GRIK2: variants seen among roughly 807,000 people sequenced by gnomAD.
The protein encoded by GRIK2 is glutamate ionotropic receptor kainate type subunit 2, also known as glutamate receptor ionotropic, kainate 2.
Under a neutral mutation model 100.3 loss-of-function variants are expected in GRIK2, and 32 were observed. That is an observed-to-expected ratio of 0.32 (90% confidence interval 0.24 to 0.43). The LOEUF (loss-of-function observed/expected upper bound fraction) is 0.43. Ranked by LOEUF, GRIK2 falls within the 20% of genes least tolerant of loss-of-function variation. The pLI is 1.00. For missense variants in GRIK2, 843 were observed against 1,114.9 expected (o/e 0.76, Z 3.47); for synonymous variants, 417 against 389.4 (o/e 1.07, Z -0.83).
At chr6:102,015,741 C>T (rs973839768) in intron 14 of GRIK2, among the ~76,000 whole-genome samples, 1 of 152,214 alleles carries the variant, frequency 6.6e-6, no homozygotes, top group African/African-American at 2.4e-5. Flanking sequence ...GCTGGCACCA[C>T]CCTTCAGAGT....
chr6:101,465,604 T>C (rs1771603627), intron 2 of GRIK2, among the ~76,000 whole-genome samples: 1 of 152,162 alleles, frequency 6.6e-6, no homozygotes. Flanking sequence ...TTAGAGAGTC[T>C]CACCCAGTAG....
At chr6:101,545,764 A>G (rs1003300773) in intron 2 of GRIK2, among the ~76,000 whole-genome samples, 5 of 152,208 alleles carry the variant, frequency 3.3e-5, no homozygotes, top group Non-Finnish European at 7.4e-5. Flanking sequence ...TCCTTAGGTC[A>G]CAAACCTTAA....
chr6:101,672,435 A>G (rs1189539545), intron 4 of GRIK2, among the ~76,000 whole-genome samples: 2 of 152,034 alleles, frequency 1.3e-5, no homozygotes, highest in Admixed American at 6.6e-5. Flanking sequence ...AGTGATCTCA[A>G]TCATCTTTTC....
chr6:101,455,210 C>A (rs1263365123), intron 2 of GRIK2, among the ~76,000 whole-genome samples: 1 of 152,002 alleles, frequency 6.6e-6, no homozygotes, highest in Admixed American at 6.6e-5. Context: ...GTTTTTGCTA[C>A]AGCATTTTGT....
At chr6:101,430,940 C>G in intron 2 of GRIK2, 1 of 319,670 alleles carries the variant, frequency 3.1e-6, no homozygotes. Flanking sequence ...GCAGGATGGC[C>G]TAGGGAAAGG....
chr6:101,788,080 A>G (rs757929028), intron 7 of GRIK2, among the ~76,000 whole-genome samples: 19 of 151,776 alleles, frequency 1.3e-4, no homozygotes, highest in Non-Finnish European at 2.2e-4. Flanking sequence ...TTTTGACTTA[A>G]AGTTTGTTTT....
chr6:101,504,876 A>G (rs1773942360), intron 2 of GRIK2, among the ~76,000 whole-genome samples: 1 of 152,126 alleles, frequency 6.6e-6, no homozygotes, highest in South Asian at 2.1e-4. Context: ...GTGTCCCTAG[A>G]CACAATCCTG....
At chr6:101,818,712 A>T (rs566362621) in intron 10 of GRIK2, among the ~76,000 whole-genome samples, 2 of 152,268 alleles carry the variant, frequency 1.3e-5, no homozygotes, top group East Asian at 3.9e-4. Context: ...AATACAGCTT[A>T]ATGTATTACT....
At chr6:101,986,384 T>G (rs1188019863) in intron 14 of GRIK2, among the ~76,000 whole-genome samples, 1 of 151,898 alleles carries the variant, frequency 6.6e-6, no homozygotes, top group Admixed American at 6.6e-5. Flanking sequence ...ATATAGCTAC[T>G]AGTTAATGTG....
intron 7 of GRIK2, among the ~76,000 whole-genome samples, chr6:101,783,285 T>G (rs1779213989): frequency 6.6e-6 from 1 of 152,010 alleles, no homozygotes; most frequent in African/African-American, 2.4e-5. Context: ...TGAGATCTGA[T>G]GATTTTCAAA....
intron 2 of GRIK2, among the ~76,000 whole-genome samples, chr6:101,619,079 G>T (rs1015047355): frequency 6.7e-6 from 1 of 149,744 alleles, no homozygotes; most frequent in Non-Finnish European, 1.5e-5. Context: ...TTTTTAAATA[G>T]AATTAAAAAG....
intron 2 of GRIK2, among the ~76,000 whole-genome samples, chr6:101,533,544 C>T (rs772034725): frequency 5.9e-5 from 9 of 151,756 alleles, no homozygotes; most frequent in Non-Finnish European, 1.2e-4. Flanking sequence ...TATCATAGTG[C>T]CTATGAGAGG....
At chr6:101,961,192 C>T (rs550629823) in intron 14 of GRIK2, among the ~76,000 whole-genome samples, 1 of 152,238 alleles carries the variant, frequency 6.6e-6, no homozygotes, top group South Asian at 2.1e-4. Flanking sequence ...CTTCAGGACT[C>T]AATGTAACTG....
chr6:101,684,920 A>G (rs1429426233), intron 6 of GRIK2, among the ~76,000 whole-genome samples: 1 of 151,984 alleles, frequency 6.6e-6, no homozygotes, highest in Non-Finnish European at 1.5e-5. Context: ...CTGTGGGGGT[A>G]GGTCAGAGAA....
chr6:101,468,307 T>A (rs986007801), intron 2 of GRIK2, among the ~76,000 whole-genome samples: 5 of 152,212 alleles, frequency 3.3e-5, no homozygotes, highest in African/African-American at 1.2e-4. Flanking sequence ...AGTTCAGTTT[T>A]ACTTTTCATT....
chr6:101,993,823 AATAT>A (rs1247088528), intron 14 of GRIK2: 2 of 147,938 alleles, frequency 1.4e-5, no homozygotes, highest in Middle Eastern at 4.8e-3. Flanking sequence ...AATAAAAATA[AATAT>A]ATATGTTCTA....
chr6:101,595,956 T>A lies in GRIK2; in HGVS notation c.116-25993T>A, dbSNP rs561008737. Among the ~76,000 whole-genome samples the A allele has an allele frequency of 5.8e-4, 35 of 60,640 alleles. No individual in the cohort carries two copies. In the East Asian group the frequency reaches 0.011, roughly 19 times the overall value. 39.8% of individuals were successfully genotyped at this position (60,640 alleles called of 152,430 possible). A position where few individuals can be genotyped will look rare whatever the true frequency, so the allele number is the denominator to read the frequency against. On this transcript the variant is annotated intron_variant, in intron 2 of 16. Coordinates refer to ENST00000369134, the MANE Select transcript of GRIK2 (RefSeq NM_021956.5). Reference sequence around the variant, plus strand: ...TTCAGCTAAATATAATTCATTAAAATTTTTTTTTTTTTTTGCTTTTTTAAA... The same window carrying A: ...TTCAGCTAAATATAATTCATTAAAAATTTTTTTTTTTTTTGCTTTTTTAAA...
intron 10 of GRIK2, among the ~76,000 whole-genome samples, chr6:101,824,490 T>C (rs188354172): frequency 8.3e-4 from 126 of 152,322 alleles, no homozygotes; most frequent in African/African-American, 2.9e-3. Flanking sequence ...TAGTTTTCGA[T>C]AGACATTTTT....
At chr6:102,065,886 TTCA>T (rs2114538326) in intron 16 of GRIK2, 1 of 1,445,608 alleles carries the variant, frequency 6.9e-7, no homozygotes, top group Non-Finnish European at 9.2e-7. Context: ...CATCACCATC[TTCA>T]TCATCATTAT....
Sources: allele counts gnomAD v4.1 joint callset (sites outside exome capture counted in the v4.1 genomes callset), GRCh38; gene constraint gnomAD v4.1.1; transcripts MANE v1.5; gene names NCBI Gene and HGNC (gene_info 2026-07-23, HGNC 2026-07-21).